TCF20: variants seen among roughly 807,000 people sequenced by gnomAD.
TCF20 encodes SPRE-binding protein.
Under a neutral mutation model 148.6 loss-of-function variants are expected in TCF20, and 3 were observed. The ratio of observed to expected loss-of-function variants is 0.02; its 90% CI spans 0.01 to 0.05. The LOEUF (loss-of-function observed/expected upper bound fraction) is 0.05. Among genes scored for constraint, TCF20 ranks in the 10% least tolerant of loss-of-function variants. The pLI, the probability that TCF20 is intolerant of heterozygous loss-of-function variation, is 1.00. For synonymous variants in TCF20, 1,049 were observed against 909.5 expected, an observed-to-expected ratio of 1.15 and a Z score of -2.76; for missense variants, 2,350 against 2,429.3, an observed-to-expected ratio of 0.97 and a Z score of 0.69.
At chr22:42,265,270 C>T (rs1240617852) in intron 1 of TCF20, among the ~76,000 whole-genome samples, 1 of 152,210 alleles carries the variant, frequency 6.6e-6, no homozygotes, top group African/African-American at 2.4e-5. Flanking sequence ...CCAAATTATG[C>T]TCTACTAACT....
intron 4 of TCF20, among the ~76,000 whole-genome samples, chr22:42,168,976 T>C (rs1221913611): frequency 6.6e-6 from 1 of 151,970 alleles, no homozygotes; most frequent in Non-Finnish European, 1.5e-5. Flanking sequence ...TAAGATCCTG[T>C]GACCACTCCC....
chr22:42,311,627 CA>C (rs1387653672), intron 1 of TCF20, among the ~76,000 whole-genome samples: 2 of 152,178 alleles, frequency 1.3e-5, no homozygotes, highest in Non-Finnish European at 2.9e-5. Context: ...ATGCAGACCC[CA>C]GGCCTGGCCC....
upstream of TCF20, among the ~76,000 whole-genome samples, chr22:42,288,612 G>A (rs1356149271): frequency 6.7e-6 from 1 of 150,138 alleles, no homozygotes; most frequent in Non-Finnish European, 1.5e-5. Flanking sequence ...ATTGAGATGG[G>A]AGAATCACTT....
chr22:42,176,351 C>A (rs7287503), intron 3 of TCF20, among the ~76,000 whole-genome samples: 13,381 of 145,708 alleles, frequency 0.092, 655 homozygotes, highest in African/African-American at 0.12. Context: ...AAGTCAGGAG[C>A]TGCAAGCAAC....
At chr22:42,238,387 A>G (rs1428882006) in intron 1 of TCF20, among the ~76,000 whole-genome samples, 1 of 152,232 alleles carries the variant, frequency 6.6e-6, no homozygotes, top group Non-Finnish European at 1.5e-5. Flanking sequence ...CTGAGTCACT[A>G]AAACTTTTCC....
At chr22:42,330,148 G>A (rs1225611229) in intron 1 of TCF20, among the ~76,000 whole-genome samples, 1 of 150,772 alleles carries the variant, frequency 6.6e-6, no homozygotes, top group Admixed American at 6.6e-5. Context: ...CCTCTCAGGG[G>A]GCCACCAGGC....
At chr22:42,173,714 CCTCTGGGT>C (rs1936273920) in intron 3 of TCF20, among the ~76,000 whole-genome samples, 1 of 152,170 alleles carries the variant, frequency 6.6e-6, no homozygotes, top group African/African-American at 2.4e-5. Flanking sequence ...GCAGTGCAGG[CCTCTGGGT>C]CACTGTGACT....
At chr22:42,273,020 AAT>A (rs1926677459), upstream of TCF20, among the ~76,000 whole-genome samples, 1 of 151,402 alleles carries the variant, frequency 6.6e-6, no homozygotes, top group Non-Finnish European at 1.5e-5. Flanking sequence ...AAAAGAAAAA[AAT>A]TTTTTTTTAA....
rs779075674 is a variant in TCF20, at chr22:42,279,671, G to A, written c.-37+4156C>T. Among the ~76,000 whole-genome samples, 9 of 152,120 alleles carry A rather than the reference G, an allele frequency of 5.9e-5. No homozygotes were observed. Among genetic ancestry groups the A allele is most frequent in the African/African-American group, 9.7e-5 (4 of 41,414 alleles). On this transcript the variant is annotated intron_variant, in intron 1 of 5. Coordinates refer to the TCF20 transcript ENST00000359486. The surrounding 1 kb of genome is among the most constrained non-coding windows in gnomAD (Gnocchi z 4.3). ...CCATCATTCCAGCCTCAGGTGCTCC[G>A]TGAGGTGGGACGATTCACCCCATGA...
rs2067599976 is a variant in TCF20 at position 42,299,392 on chromosome 22, C to G, written c.-37+44087G>C. On this transcript the variant is annotated intron_variant, in intron 1 of 1. Coordinates refer to the TCF20 transcript ENST00000515426. The surrounding 1 kb of genome is among the most constrained non-coding windows in gnomAD (Gnocchi z 4.1). Reference sequence around the variant, plus strand: ...TCACACAGTCCTTACCTTGCTCTCCCTCCCCATGGACTCTCTCTCCCATCT... The same window carrying G: ...TCACACAGTCCTTACCTTGCTCTCCGTCCCCATGGACTCTCTCTCCCATCT... Among the ~76,000 whole-genome samples the G allele has an allele frequency of 6.6e-6, 1 of 152,128 alleles. No individual in the cohort carries two copies. The highest frequency in any genetic ancestry group is 1.5e-5 in the Non-Finnish European group (1 of 68,026).
chr22:42,239,489 AAAG>A (rs562300658), intron 1 of TCF20, among the ~76,000 whole-genome samples: 169 of 144,758 alleles, frequency 1.2e-3, no homozygotes, highest in African/African-American at 4.2e-3. Context: ...AAAAAAAAAA[AAAG>A]TTTAAAATAT....
intron 1 of TCF20, among the ~76,000 whole-genome samples, chr22:42,254,621 T>C (rs1925619977): frequency 6.6e-6 from 1 of 152,188 alleles, no homozygotes; most frequent in Admixed American, 6.5e-5. Context: ...AGACTGTGGC[T>C]CTTAAGACCC....
chr22:42,209,318 G>A (rs1920922871), intron 2 of TCF20, among the ~76,000 whole-genome samples: 1 of 152,170 alleles, frequency 6.6e-6, no homozygotes, highest in Non-Finnish European at 1.5e-5. Flanking sequence ...AAATGAAGAT[G>A]ATGATGTTGA....
Position 42,299,978 on chromosome 22 carries a change from AG to A in TCF20, c.-37+43500del, listed in dbSNP as rs1490190033. Among the ~76,000 whole-genome samples the A allele has an allele frequency of 1.7e-5, 1 of 60,346 alleles. No homozygotes were observed. The highest frequency in any genetic ancestry group is 3.2e-5 in the Non-Finnish European group (1 of 31,400). The allele number at this position is 60,346 out of a possible 152,430, so 39.6% of individuals were successfully genotyped here. A position where few individuals can be genotyped will look rare whatever the true frequency, so the allele number is the denominator to read the frequency against. On this transcript the variant is annotated intron_variant, in intron 1 of 1. Coordinates refer to the TCF20 transcript ENST00000515426. The surrounding 1 kb of genome is among the most constrained non-coding windows in gnomAD (Gnocchi z 4.1). ...AGGAAGGGCGGGGAGGGGGAGGGGG[AG>A]GGGCGCGCTGAAATCACCCGCAACA...
Position 42,239,851 on chromosome 22 carries a change from G to A in TCF20, c.-36-24510C>T, listed in dbSNP as rs1184484385. Among the ~76,000 whole-genome samples, 3 of 152,200 alleles carry A rather than the reference G, an allele frequency of 2.0e-5. No individual in the cohort carries two copies. The East Asian group carries it at 5.8e-4, about 29-fold the overall frequency. On this transcript the variant is annotated intron_variant, in intron 1 of 5. Coordinates refer to ENST00000677622, the MANE Select transcript of TCF20 (RefSeq NM_001378418.1). ...AAAATATTGGGAGAATTACCAAAAT[G>A]TGGCACAAAGACACAAAGTGAGCAC...
At chr22:42,296,537 C>T (rs1475073594) in intron 1 of TCF20, among the ~76,000 whole-genome samples, 1 of 152,264 alleles carries the variant, frequency 6.6e-6, no homozygotes, top group African/African-American at 2.4e-5. Flanking sequence ...GTTCGAGCTG[C>T]TGCCCACCAG....
At chr22:42,219,912 C>T (rs1922198461) in intron 1 of TCF20, among the ~76,000 whole-genome samples, 1 of 152,140 alleles carries the variant, frequency 6.6e-6, no homozygotes, top group Non-Finnish European at 1.5e-5. Context: ...ATGACTCTCC[C>T]TTTCCTGTTT....
intron 1 of TCF20, among the ~76,000 whole-genome samples, chr22:42,305,347 C>T (rs977913293): frequency 6.6e-6 from 1 of 152,152 alleles, no homozygotes; most frequent in Non-Finnish European, 1.5e-5. Flanking sequence ...GGGCCAGAAA[C>T]ATGGGGCCAT....
intron 1 of TCF20, among the ~76,000 whole-genome samples, chr22:42,339,883 C>A (rs1324299309): frequency 6.6e-6 from 1 of 152,202 alleles, no homozygotes; most frequent in Non-Finnish European, 1.5e-5. Context: ...GCCCATCTCC[C>A]TCCCACCATC....
Sources: gnomAD v4.1 joint callset for allele counts (sites outside exome capture counted in the v4.1 genomes callset) on GRCh38, gnomAD v4.1.1 for gene constraint, Gnocchi (gnomAD v3.1) non-coding constraint, MANE v1.5 for transcripts, NCBI Gene and HGNC (gene_info 2026-07-23, HGNC 2026-07-21) for gene names.